The following APOOL variants were observed in gnomAD, a reference collection of about 807,000 sequenced individuals.
APOOL encodes the protein apolipoprotein O like.
Under a neutral mutation model 23.1 loss-of-function variants are expected in APOOL, and 12 were observed. The ratio of observed to expected loss-of-function variants is 0.52; its 90% confidence interval spans 0.33 to 0.84. The LOEUF is 0.84. APOOL is among the 40% of genes least tolerant of loss of function. The pLI is 0.02. For missense variants in APOOL, 212 were observed against 199.6 expected, an observed-to-expected ratio of 1.06 and a Z score of -0.37; for synonymous variants, 77 against 69.9, an observed-to-expected ratio of 1.10 and a Z score of -0.51.
At chrX:85,085,909 G>A (rs766626560) in intron 8 of APOOL, among the ~76,000 whole-genome samples, 3 of 112,179 alleles carry the variant, frequency 2.7e-5, no homozygotes, top group Non-Finnish European at 5.6e-5. Flanking sequence ...TCAGACAAAT[G>A]TGGATTCATT....
intron 1 of APOOL, among the ~76,000 whole-genome samples, chrX:85,037,851 A>G (rs529168128): frequency 1.8e-5 from 2 of 111,681 alleles, no homozygotes; most frequent in African/African-American, 3.2e-5. Flanking sequence ...AGCCTTAAAT[A>G]TAAGGCTTGA....
chrX:85,053,421 C>T (rs749705400), intron 3 of APOOL, among the ~76,000 whole-genome samples: 1 of 111,550 alleles, frequency 9.0e-6, no homozygotes, highest in East Asian at 2.8e-4. Flanking sequence ...ATATGTAAGA[C>T]AAAATTACAA....
intron 1 of APOOL, among the ~76,000 whole-genome samples, chrX:85,019,997 C>G (rs149668167): frequency 1.4e-3 from 151 of 111,713 alleles, no homozygotes; most frequent in African/African-American, 4.6e-3. Context: ...AGCCCTGGCT[C>G]AAGACCCATG....
chrX:85,036,186 C>T (rs1342811196), intron 1 of APOOL, among the ~76,000 whole-genome samples: 2 of 112,027 alleles, frequency 1.8e-5, no homozygotes, highest in African/African-American at 6.5e-5. Context: ...TTGTAGAGAT[C>T]TTTCACCTCT....
In APOOL at chrX:85,088,169, C is replaced by CATATATGTATAAATACATACATATTTAT. The variant is rs1924415324; in HGVS notation, c.*493_*520dup. On this transcript the variant is annotated 3_prime_UTR_variant, in exon 9 of 9. Transcript: ENST00000373173. ...ATGTATAAATACATACATATTTATA[C>CATATATGTATAAATACATACATATTTAT]ATATATGTATAAATACATACATATT... 1 of 10,237 alleles carries CATATATGTATAAATACATACATATTTAT rather than the reference C, an allele frequency of 9.8e-5. No homozygotes were observed. Among genetic ancestry groups the CATATATGTATAAATACATACATATTTAT allele is most frequent in the Non-Finnish European group, 1.4e-4 (1 of 7,201 alleles). The allele number at this position is 10,237 out of a possible 1,213,427, so 0.8% of individuals were successfully genotyped here.
rs930720800 is a variant in APOOL at position 85,091,111 on chromosome X, G to A, written c.*3433G>A. ...GCAAAAAGTGCAAAATTAGCTAGGCGTGGTGGCTCATGCCTGTAATTCCAG... is the reference window on the plus strand; with the variant it reads ...GCAAAAAGTGCAAAATTAGCTAGGCATGGTGGCTCATGCCTGTAATTCCAG... On this transcript the variant is annotated 3_prime_UTR_variant, in exon 9 of 9. Coordinates refer to ENST00000373173, the MANE Select transcript of APOOL (RefSeq NM_198450.6). 3.6e-5 allele frequency: 4 copies of A among 111,877 alleles called. No homozygotes were observed. The highest frequency in any genetic ancestry group is 2.8e-4 in the Admixed American group (3 of 10,568). The allele number at this position is 111,877 out of a possible 1,213,427, so 9.2% of individuals were successfully genotyped here. A position where few individuals can be genotyped will look rare whatever the true frequency, so the allele number is the denominator to read the frequency against.
Position 85,087,553 on chromosome X carries a change from G to C in APOOL, c.719-37G>C, listed in dbSNP as rs1161407040. ...CCAGTATCAAAAATAAATTTGTTAA[G>C]TGACTAATTTTTCTTTTCATTTTAA... is the stretch of plus-strand genomic sequence containing the variant. On this transcript the variant is annotated intron_variant, in intron 8 of 8. Transcript: ENST00000373173. 3.6e-6 allele frequency: 4 copies of C among 1,115,131 alleles called. No homozygotes were observed. The East Asian group carries it at 1.3e-4, about 36-fold the overall frequency. The allele number at this position is 1,115,131 out of a possible 1,213,427, so 91.9% of individuals were successfully genotyped here. A position where few individuals can be genotyped will look rare whatever the true frequency, so the allele number is the denominator to read the frequency against.
intron 2 of APOOL, among the ~76,000 whole-genome samples, chrX:85,050,307 G>A (rs1454028923): frequency 1.8e-5 from 2 of 111,596 alleles, no homozygotes; most frequent in African/African-American, 6.5e-5. Context: ...ACCTTGTACA[G>A]CATGATGCTT....
chrX:85,080,251 C>A (rs1179371233), intron 8 of APOOL, among the ~76,000 whole-genome samples: 1 of 112,144 alleles, frequency 8.9e-6, no homozygotes, highest in African/African-American at 3.2e-5. Context: ...TCCTTCTACA[C>A]ACTGCTTTAA....
intron 6 of APOOL, among the ~76,000 whole-genome samples, chrX:85,067,517 A>G (rs1348367229): frequency 3.6e-5 from 4 of 110,842 alleles, no homozygotes; most frequent in Non-Finnish European, 3.8e-5. Context: ...ATAAACTTCA[A>G]TTTTTATTTA....
At chrX:85,041,713 C>T (rs886885087) in intron 1 of APOOL, among the ~76,000 whole-genome samples, 11 of 111,193 alleles carry the variant, frequency 9.9e-5, no homozygotes, top group African/African-American at 1.6e-4. Flanking sequence ...AGTCTGGAGG[C>T]CTTGGGAATA....
chrX:85,068,652 C>G (rs1029896303), intron 6 of APOOL, among the ~76,000 whole-genome samples: 2 of 110,665 alleles, frequency 1.8e-5, no homozygotes, highest in Admixed American at 1.9e-4. Context: ...GTGATCCATC[C>G]GCCTCGGCCT....
intron 1 of APOOL, among the ~76,000 whole-genome samples, chrX:85,028,190 G>A (rs1453301389): frequency 7.2e-5 from 8 of 111,370 alleles, no homozygotes; most frequent in African/African-American, 2.6e-4. Context: ...AAAACAAGGT[G>A]TTGGCAGGCA....
rs1924425885 is a variant in APOOL, at chrX:85,088,227, T to TATACATATATATGTATAA, written c.*558_*559insTATGTATAAATACATATA. On this transcript the variant is annotated 3_prime_UTR_variant, in exon 9 of 9. Coordinates refer to ENST00000373173, the MANE Select transcript of APOOL (RefSeq NM_198450.6). ...ATATATGTATAAATACATACATATT[T>TATACATATATATGTATAA]ATACATATAAACATATATTTCTGCT... is the stretch of plus-strand genomic sequence containing the variant. 1 of 95,857 alleles carries TATACATATATATGTATAA rather than the reference T, an allele frequency of 1.0e-5. No homozygotes were observed. The highest frequency in any genetic ancestry group is 1.2e-4 in the Admixed American group (1 of 8,342). The allele number at this position is 95,857 out of a possible 1,213,427, so 7.9% of individuals were successfully genotyped here. A position where few individuals can be genotyped will look rare whatever the true frequency, so the allele number is the denominator to read the frequency against.
intron 6 of APOOL, among the ~76,000 whole-genome samples, chrX:85,071,407 G>T (rs1420791372): frequency 1.8e-5 from 2 of 110,427 alleles, no homozygotes; most frequent in Non-Finnish European, 3.8e-5. Flanking sequence ...TGGTACAGGT[G>T]GCATTTCAGA....
intron 1 of APOOL, among the ~76,000 whole-genome samples, chrX:85,009,483 A>AT (rs1281642323): frequency 8.9e-6 from 1 of 112,040 alleles, no homozygotes; most frequent in Non-Finnish European, 1.9e-5. Flanking sequence ...CTTTTTCCAC[A>AT]TTCATTGAAA....
chrX:85,004,006 C>T (rs759480708), intron 1 of APOOL, 79 bp downstream of exon 1: 2 of 1,130,297 alleles, frequency 1.8e-6, no homozygotes, highest in African/African-American at 1.8e-5. Context: ...CTACTAACTT[C>T]TGAAGGAGCC....
At chrX:85,032,498 G>A (rs1922074530) in intron 1 of APOOL, among the ~76,000 whole-genome samples, 2 of 106,763 alleles carry the variant, frequency 1.9e-5, no homozygotes, top group African/African-American at 6.9e-5. Context: ...TGGGCAACAA[G>A]AGTGGAATTC....
chrX:85,089,796 C>A lies in APOOL; in HGVS notation c.*2118C>A, dbSNP rs200137651. 9.0e-6 allele frequency: 1 copy of A among 111,077 alleles called. No homozygotes were observed. The highest frequency in any genetic ancestry group is 2.8e-4 in the East Asian group (1 of 3,546). 9.2% of individuals were successfully genotyped at this position (111,077 alleles called of 1,213,427 possible). On this transcript the variant is annotated 3_prime_UTR_variant, in exon 9 of 9. Coordinates refer to ENST00000373173, the MANE Select transcript of APOOL (RefSeq NM_198450.6). ...CTCCTTCAAATCTATTCTGTCTTCT[C>A]TAATCCTATAATTACTCTCCCTCAA... is the stretch of plus-strand genomic sequence containing the variant.
Sources: allele counts gnomAD v4.1 joint callset (sites outside exome capture counted in the v4.1 genomes callset), GRCh38; gene constraint gnomAD v4.1.1; transcripts MANE v1.5; gene names NCBI Gene and HGNC (gene_info 2026-07-23, HGNC 2026-07-21).